SLAIN2: variants seen among roughly 807,000 people sequenced by gnomAD.
SLAIN2 encodes SLAIN family member 2.
SLAIN2 carries 31 observed loss-of-function variants against 56.6 expected under a neutral mutation model. The ratio of observed to expected loss-of-function variants is 0.55; its 90% CI spans 0.41 to 0.74. The LOEUF (loss-of-function observed/expected upper bound fraction) is 0.74, where lower values mean the gene tolerates loss of function less well. Among genes scored for constraint, SLAIN2 ranks in the 30% least tolerant of loss-of-function variants. The pLI is 0.00. For missense variants in SLAIN2, 777 were observed against 754.2 expected (o/e 1.03, Z -0.35); for synonymous variants, 317 against 284.9 (o/e 1.11, Z -1.13).
At chr4:48,354,170 A>C (rs1229327094) in intron 1 of SLAIN2, among the ~76,000 whole-genome samples, 1 of 152,210 alleles carries the variant, frequency 6.6e-6, no homozygotes, top group Admixed American at 6.5e-5. Flanking sequence ...CATAGAATAA[A>C]ATAGTAGGAA....
chr4:48,395,026 A>G (rs143347194), intron 6 of SLAIN2, among the ~76,000 whole-genome samples: 1 of 152,322 alleles, frequency 6.6e-6, no homozygotes, highest in African/African-American at 2.4e-5. Context: ...TTTTACTTTT[A>G]CTTACCTGTG....
chr4:48,393,113 A>T (rs546454773), intron 6 of SLAIN2, among the ~76,000 whole-genome samples: 1 of 152,040 alleles, frequency 6.6e-6, no homozygotes, highest in African/African-American at 2.4e-5. Context: ...TGGCTCACGC[A>T]TGTAATTCCA....
In SLAIN2 at chr4:48,387,061, A is replaced by AT. The variant is rs1452027044; in HGVS notation, c.1360+3278dup. ...GATTTCTCAAAAGTTTACATGATAC[A>AT]TGTCCAAACAGCATCCCAGATACTT... On this transcript the variant is annotated intron_variant, in intron 6 of 7. Coordinates refer to ENST00000264313, the MANE Select transcript of SLAIN2 (RefSeq NM_020846.2). Among the ~76,000 whole-genome samples the AT allele has an allele frequency of 2.6e-5, 4 of 152,296 alleles. No individual in the cohort carries two copies. In the East Asian group the frequency reaches 7.7e-4, roughly 29 times the overall value.
intron 1 of SLAIN2, among the ~76,000 whole-genome samples, chr4:48,362,383 TTC>T (rs371621625): frequency 1.6e-4 from 24 of 150,650 alleles, no homozygotes; most frequent in Non-Finnish European, 1.3e-4. Flanking sequence ...ATTTATTTAT[TTC>T]TCTCTCTCTC....
At chr4:48,402,075 A>G (rs1716569517) in intron 6 of SLAIN2, among the ~76,000 whole-genome samples, 1 of 152,140 alleles carries the variant, frequency 6.6e-6, no homozygotes, top group African/African-American at 2.4e-5. Context: ...TTCTTTTCTT[A>G]AGGAATGTTG....
intron 6 of SLAIN2, among the ~76,000 whole-genome samples, chr4:48,413,356 A>G (rs951413091): frequency 9.9e-5 from 15 of 152,024 alleles, no homozygotes; most frequent in African/African-American, 3.4e-4. Context: ...TGACTTTCCT[A>G]TTTGCTCAGT....
intron 6 of SLAIN2, among the ~76,000 whole-genome samples, chr4:48,412,595 G>A (rs1240795751): frequency 6.6e-6 from 1 of 152,134 alleles, no homozygotes; most frequent in Non-Finnish European, 1.5e-5. Context: ...GAGTAAATTG[G>A]AAGATTAAGC....
intron 2 of SLAIN2, among the ~76,000 whole-genome samples, chr4:48,371,471 T>C (rs1715662100): frequency 6.6e-6 from 1 of 152,178 alleles, no homozygotes; most frequent in African/African-American, 2.4e-5. Flanking sequence ...TGAAGCTTGA[T>C]GTAAGTTATA....
intron 1 of SLAIN2, among the ~76,000 whole-genome samples, chr4:48,363,714 C>T (rs1715407591): frequency 4.9e-5 from 6 of 121,218 alleles, no homozygotes; most frequent in African/African-American, 5.8e-5. Context: ...CGCCCCTCAC[C>T]TCCCAGACGG....
chr4:48,386,242 T>C (rs1291512616), intron 6 of SLAIN2, among the ~76,000 whole-genome samples: 9 of 152,194 alleles, frequency 5.9e-5, no homozygotes, highest in Non-Finnish European at 1.2e-4. Flanking sequence ...CATAATCTTA[T>C]TTAATCCTTA....
At chr4:48,402,245 TTATG>T (rs2109777835) in intron 6 of SLAIN2, among the ~76,000 whole-genome samples, 1 of 151,736 alleles carries the variant, frequency 6.6e-6, no homozygotes, top group Non-Finnish European at 1.5e-5. Flanking sequence ...AATCTGATGA[TTATG>T]TGTCTTTGGG....
intron 3 of SLAIN2, among the ~76,000 whole-genome samples, chr4:48,378,476 G>A (rs1250921600): frequency 6.6e-6 from 1 of 152,206 alleles, no homozygotes; most frequent in Non-Finnish European, 1.5e-5. Flanking sequence ...TACCAGCAGA[G>A]TGAGGGGGCA....
At chr4:48,345,413 T>C (rs1187827400) in intron 1 of SLAIN2, among the ~76,000 whole-genome samples, 2 of 152,224 alleles carry the variant, frequency 1.3e-5, no homozygotes, top group African/African-American at 2.4e-5. Flanking sequence ...TTGCTCATTG[T>C]CATTATACAT....
intron 1 of SLAIN2, among the ~76,000 whole-genome samples, chr4:48,344,940 A>G (rs1161925469): frequency 1.3e-5 from 2 of 152,218 alleles, no homozygotes; most frequent in Non-Finnish European, 1.5e-5. Flanking sequence ...CACTGTTTCT[A>G]GAATAACTCA....
intron 1 of SLAIN2, among the ~76,000 whole-genome samples, chr4:48,365,713 C>T (rs1715497088): frequency 6.6e-6 from 1 of 151,970 alleles, no homozygotes; most frequent in African/African-American, 2.4e-5. Context: ...AGGTGCCTGC[C>T]ACCACACTCC....
At chr4:48,411,357 A>C (rs1716841448) in intron 6 of SLAIN2, among the ~76,000 whole-genome samples, 1 of 151,962 alleles carries the variant, frequency 6.6e-6, no homozygotes, top group Admixed American at 6.5e-5. Context: ...GATGCAAAAA[A>C]CAAACAAACA....
rs545407749 is a variant in SLAIN2, at chr4:48,352,542, T to A, written c.389+10414T>A. 2.1e-4 allele frequency among the ~76,000 whole-genome samples: 32 copies of A among 152,332 alleles called. No homozygotes were observed. In the South Asian group the frequency reaches 5.6e-3, roughly 27 times the overall value. On this transcript the variant is annotated intron_variant, in intron 1 of 7. Coordinates refer to ENST00000264313, the MANE Select transcript of SLAIN2 (RefSeq NM_020846.2). Reference sequence around the variant, plus strand: ...CTGCAACCTTGACATTTGGGTCAGATAACTCTTTGTTGTGGGTGCTATCCT... The same window carrying A: ...CTGCAACCTTGACATTTGGGTCAGAAAACTCTTTGTTGTGGGTGCTATCCT...
At chr4:48,401,389 C>G (rs1323457354) in intron 6 of SLAIN2, among the ~76,000 whole-genome samples, 1 of 152,104 alleles carries the variant, frequency 6.6e-6, no homozygotes, top group Non-Finnish European at 1.5e-5. Context: ...AAATCTCTCA[C>G]TATTATTGTG....
chr4:48,375,098 A>G (rs1715770045), intron 2 of SLAIN2, among the ~76,000 whole-genome samples: 2 of 152,230 alleles, frequency 1.3e-5, no homozygotes, highest in African/African-American at 4.8e-5. Context: ...ATTCCTTAGG[A>G]GAAAGAATAT....
Sources: allele counts gnomAD v4.1 joint callset (sites outside exome capture counted in the v4.1 genomes callset), GRCh38; gene constraint gnomAD v4.1.1; transcripts MANE v1.5; gene names NCBI Gene and HGNC (gene_info 2026-07-23, HGNC 2026-07-21).